Variants in SAXO1 observed in about 807,000 individuals in gnomAD.
SAXO1 encodes the protein stabilizer of axonemal microtubules 1, also known as 4930500O09Rik.
Under a neutral mutation model 17.5 loss-of-function variants are expected in SAXO1, and 21 were observed. The observed-to-expected ratio is 1.20, with a 90% CI of 0.85 to 1.72. The LOEUF (loss-of-function observed/expected upper bound fraction) is 1.72. Among genes scored for constraint, SAXO1 ranks in the 40% most tolerant of loss-of-function variants. SAXO1 has a pLI of 0.00. For missense variants in SAXO1, 843 were observed against 596.0 expected, an observed-to-expected ratio of 1.41 and a Z score of -4.32; for synonymous variants, 274 against 216.5, an observed-to-expected ratio of 1.27 and a Z score of -2.33.
At position 18,927,820 on chromosome 9, in the gene SAXO1, C is replaced by G. The variant is rs945443; in HGVS notation, c.*232G>C. ...TAAGCACAAAGTAAAGGACCTGAAA[C>G]GGGGTGGGGATGCAGTAAAGGAGAA... On this transcript the variant is annotated 3_prime_UTR_variant, in exon 4 of 4. Transcript: ENST00000380534. 13 of 448,436 alleles carry G rather than the reference C, an allele frequency of 2.9e-5. No individual in the cohort carries two copies. Among genetic ancestry groups the G allele is most frequent in the South Asian group, 1.8e-4 (3 of 16,404 alleles). The allele number at this position is 448,436 out of a possible 1,614,324, so 27.8% of individuals were successfully genotyped here.
At chr9:18,929,216 A>G (rs1289246353) in intron 3 of SAXO1, among the ~76,000 whole-genome samples, 161 bp from the exon 4 acceptor site, 1 of 152,184 alleles carries the variant, frequency 6.6e-6, no homozygotes, top group Non-Finnish European at 1.5e-5. Context: ...CAAACACCTG[A>G]TGTGTCAACT....
At chr9:19,038,199 C>T (rs1397658592), upstream of SAXO1, among the ~76,000 whole-genome samples, 1 of 152,130 alleles carries the variant, frequency 6.6e-6, no homozygotes, top group Non-Finnish European at 1.5e-5. Flanking sequence ...GGCAGTGTGG[C>T]GATTCCTCAG....
intron 1 of SAXO1, among the ~76,000 whole-genome samples, chr9:19,018,518 A>T (rs1835089231): frequency 1.3e-5 from 2 of 152,206 alleles, no homozygotes; most frequent in Non-Finnish European, 2.9e-5. Context: ...TCAAAAGTCA[A>T]TACACGCTGT....
At position 18,950,845 on chromosome 9, in the gene SAXO1, TAGAA is replaced by T. The variant is rs774122350; in HGVS notation, c.127_130del (p.Phe43IlefsTer26). On this transcript the variant is annotated frameshift_variant, in exon 2 of 4. Transcript: ENST00000380534. LOFTEE classifies it high-confidence loss of function. ...GGACTCTCTGGGCAGGTAGGAGTGA[TAGAA>T]AGGGTAGTTCTCGGTATATTCGGAG... 1 of 1,613,886 alleles carries T rather than the reference TAGAA, an allele frequency of 6.2e-7. No individual in the cohort carries two copies. The highest frequency in any genetic ancestry group is 1.7e-5 in the Admixed American group (1 of 60,016).
intron 3 of SAXO1, among the ~76,000 whole-genome samples, chr9:18,932,796 A>G (rs1831111512): frequency 6.6e-6 from 1 of 152,226 alleles, no homozygotes; most frequent in African/African-American, 2.4e-5. Flanking sequence ...TGAGGCTATT[A>G]AAAAGAGAAC....
At chr9:18,955,478 A>G (rs1832220294) in intron 1 of SAXO1, among the ~76,000 whole-genome samples, 1 of 152,206 alleles carries the variant, frequency 6.6e-6, no homozygotes, top group South Asian at 2.1e-4. Context: ...TCGAAGGTAC[A>G]GACAAAAGAA....
intron 1 of SAXO1, among the ~76,000 whole-genome samples, chr9:18,996,669 A>C (rs929294239): frequency 2.6e-5 from 4 of 152,294 alleles, no homozygotes; most frequent in Admixed American, 1.3e-4. Flanking sequence ...AACACTCACT[A>C]AACTAGAAAT....
intron 1 of SAXO1, among the ~76,000 whole-genome samples, chr9:18,975,496 T>G (rs1833109755): frequency 6.6e-6 from 1 of 152,216 alleles, no homozygotes; most frequent in Non-Finnish European, 1.5e-5. Flanking sequence ...TTGCCCTCCC[T>G]ACTCTAGGCA....
intron 1 of SAXO1, among the ~76,000 whole-genome samples, chr9:18,979,519 G>A (rs1351670905): frequency 6.6e-6 from 1 of 152,222 alleles, no homozygotes; most frequent in Non-Finnish European, 1.5e-5. Flanking sequence ...CACGTGGTGG[G>A]ACAGTCCAGA....
intron 1 of SAXO1, among the ~76,000 whole-genome samples, chr9:19,011,849 A>G (rs35256700): frequency 2.1e-5 from 3 of 144,732 alleles, no homozygotes; most frequent in African/African-American, 7.7e-5. Context: ...TTAAGCATAG[A>G]TTTTTTTTTT....
intron 1 of SAXO1, among the ~76,000 whole-genome samples, chr9:19,042,308 A>T (rs1281586768): frequency 1.3e-5 from 2 of 152,230 alleles, no homozygotes; most frequent in Non-Finnish European, 2.9e-5. Context: ...GCTGGCAAGG[A>T]TGTGGGGAAA....
chr9:19,018,766 G>A (rs1835102633), intron 1 of SAXO1, among the ~76,000 whole-genome samples: 1 of 152,230 alleles, frequency 6.6e-6, no homozygotes, highest in South Asian at 2.1e-4. Flanking sequence ...GTTAGAGACA[G>A]GACGCTGAAG....
intron 1 of SAXO1, among the ~76,000 whole-genome samples, chr9:19,018,252 G>A (rs1004441484): frequency 3.9e-5 from 6 of 152,004 alleles, no homozygotes; most frequent in African/African-American, 1.5e-4. Context: ...ATCATGTAAA[G>A]TTATTTATGA....
intron 1 of SAXO1, among the ~76,000 whole-genome samples, chr9:18,965,331 C>CTGT (rs1224658182): frequency 2.0e-5 from 3 of 150,218 alleles, no homozygotes; most frequent in Non-Finnish European, 4.5e-5. Context: ...GTCTTGTTGA[C>CTGT]CTAATATTGA....
intron 1 of SAXO1, among the ~76,000 whole-genome samples, chr9:18,978,790 A>G (rs1236278338): frequency 6.6e-6 from 1 of 152,248 alleles, no homozygotes; most frequent in African/African-American, 2.4e-5. Flanking sequence ...CTGTCAGAGA[A>G]GCTAAATAAT....
intron 1 of SAXO1, among the ~76,000 whole-genome samples, chr9:18,990,297 T>A (rs1394551508): frequency 1.3e-5 from 2 of 151,992 alleles, no homozygotes; most frequent in Non-Finnish European, 2.9e-5. Flanking sequence ...CCAGTTAAAA[T>A]GGCAACCTCA....
upstream of SAXO1, among the ~76,000 whole-genome samples, chr9:19,036,254 T>TAAAAAA (rs66796545): frequency 8.4e-6 from 1 of 119,752 alleles, no homozygotes; most frequent in African/African-American, 2.7e-5. Flanking sequence ...TAAAGTATAA[T>TAAAAAA]AAAAAAAAAA....
intron 2 of SAXO1, among the ~76,000 whole-genome samples, chr9:18,950,101 A>G (rs1035123639): frequency 1.3e-5 from 2 of 152,164 alleles, no homozygotes; most frequent in African/African-American, 2.4e-5. Flanking sequence ...CCCTGAACTG[A>G]TAACTTTTCT....
intron 1 of SAXO1, among the ~76,000 whole-genome samples, chr9:18,982,118 T>G (rs1286591769): frequency 6.6e-6 from 1 of 152,182 alleles, no homozygotes; most frequent in Non-Finnish European, 1.5e-5. Flanking sequence ...CAGGGTGACC[T>G]GCAGGATAGG....
Sources: gnomAD v4.1 joint callset for allele counts (sites outside exome capture counted in the v4.1 genomes callset) on GRCh38, gnomAD v4.1.1 for gene constraint, MANE v1.5 for transcripts, NCBI Gene and HGNC (gene_info 2026-07-23, HGNC 2026-07-21) for gene names.